The following PPFIBP2 variants were observed in gnomAD, a reference collection of about 807,000 sequenced individuals.
The protein encoded by PPFIBP2 is PPFIB scaffold protein 2.
A neutral mutation model predicts 118.3 loss-of-function variants in PPFIBP2; 118 were observed. That is an observed-to-expected ratio of 1.00 (90% CI 0.86 to 1.16). The LOEUF (loss-of-function observed/expected upper bound fraction) is 1.16, where lower values mean the gene tolerates loss of function less well. PPFIBP2 is among the 50% of genes most tolerant of loss of function. PPFIBP2 has a pLI of 0.00. For synonymous variants in PPFIBP2, 414 were observed against 397.4 expected, an observed-to-expected ratio of 1.04 and a Z score of -0.50; for missense variants, 1,195 against 1,073.1, an observed-to-expected ratio of 1.11 and a Z score of -1.59.
intron 1 of PPFIBP2, among the ~76,000 whole-genome samples, chr11:7,532,181 T>C (rs190177583): frequency 1.3e-5 from 2 of 152,338 alleles, no homozygotes; most frequent in Admixed American, 1.3e-4. Context: ...CCCTTTGTCT[T>C]CACATGGTCT....
At chr11:7,517,362 G>T (rs867714300) in intron 1 of PPFIBP2, among the ~76,000 whole-genome samples, 2 of 152,114 alleles carry the variant, frequency 1.3e-5, no homozygotes, top group Non-Finnish European at 2.9e-5. Flanking sequence ...GCAACTGAGG[G>T]TGTGGAAATA....
At chr11:7,528,857 G>C (rs1850441172) in intron 1 of PPFIBP2, among the ~76,000 whole-genome samples, 1 of 152,148 alleles carries the variant, frequency 6.6e-6, no homozygotes, top group South Asian at 2.1e-4. Context: ...AGTACAGTCA[G>C]CCAGTCTTTG....
intron 3 of PPFIBP2, among the ~76,000 whole-genome samples, chr11:7,575,647 G>T (rs1360753235): frequency 6.6e-6 from 1 of 152,206 alleles, no homozygotes; most frequent in African/African-American, 2.4e-5. Flanking sequence ...TCTTAACCCA[G>T]GGCATGAAGT....
intron 3 of PPFIBP2, among the ~76,000 whole-genome samples, chr11:7,579,002 G>A (rs1279604651): frequency 6.6e-6 from 1 of 152,002 alleles, no homozygotes; most frequent in Non-Finnish European, 1.5e-5. Context: ...CCTGGTTTGT[G>A]TGCTGGGGGA....
At chr11:7,637,516 G>A (rs1412368964) in intron 14 of PPFIBP2, among the ~76,000 whole-genome samples, 1 of 152,190 alleles carries the variant, frequency 6.6e-6, no homozygotes, top group African/African-American at 2.4e-5. Flanking sequence ...TGTCTGAGTT[G>A]GTCTGACTCA....
intron 17 of PPFIBP2, 96 bp downstream of exon 17, chr11:7,642,522 C>A: frequency 7.3e-7 from 1 of 1,375,504 alleles, no homozygotes; most frequent in South Asian, 1.5e-5. Context: ...CTGTGTTTTG[C>A]GGAAACCCCT....
chr11:7,613,363 T>C (rs1357033848), intron 6 of PPFIBP2, among the ~76,000 whole-genome samples: 3 of 152,210 alleles, frequency 2.0e-5, no homozygotes, highest in Non-Finnish European at 4.4e-5. Context: ...GTTGTGGAAA[T>C]GATTACCGAC....
chr11:7,650,806 C>G lies in PPFIBP2; in HGVS notation c.2122-34C>G, dbSNP rs200898533. 152 of 1,609,010 alleles carry G rather than the reference C, an allele frequency of 9.4e-5. No homozygotes were observed. In the African/African-American group the frequency reaches 1.7e-3, roughly 18 times the overall value. On this transcript the variant is annotated intron_variant, in intron 21 of 23. Transcript: ENST00000299492. ...GAGGACCATGGTGGGACCTATTAAG[C>G]CTAACTTCCTCACTCTCCTTCTCCC... is the stretch of plus-strand genomic sequence containing the variant.
intron 4 of PPFIBP2, among the ~76,000 whole-genome samples, chr11:7,595,529 A>G (rs934693917): frequency 3.9e-5 from 6 of 152,218 alleles, no homozygotes; most frequent in African/African-American, 1.4e-4. Context: ...CATTTAAATA[A>G]TCCTAACACA....
At chr11:7,641,404 G>A in intron 15 of PPFIBP2, 75 bp from the exon 16 acceptor site, 1 of 1,511,580 alleles carries the variant, frequency 6.6e-7, no homozygotes, top group Non-Finnish European at 9.1e-7. Flanking sequence ...TGAAGGGGAG[G>A]GCCCAGGCTT....
the PPFIBP2 span, chr11:7,665,730 CA>C: frequency 2.1e-5 from 25 of 1,205,036 alleles, no homozygotes; most frequent in Non-Finnish European, 2.7e-5. Flanking sequence ...CTGCAGCAAT[CA>C]CCCCAGGTCC....
intron 1 of PPFIBP2, among the ~76,000 whole-genome samples, chr11:7,519,423 C>T (rs756106932): frequency 6.6e-6 from 1 of 152,122 alleles, no homozygotes; most frequent in Non-Finnish European, 1.5e-5. Context: ...TTTCTTCGGT[C>T]GTTGGCAATA....
chr11:7,616,291 A>C lies in PPFIBP2; in HGVS notation c.619-4644A>C, dbSNP rs377664828. ...TAAGTTAATTTTAAGGAATCAGGAA[A>C]ATCAAATGAGTTGCTAGAAAACTGG... On this transcript the variant is annotated intron_variant, in intron 6 of 23. Coordinates refer to ENST00000299492, the MANE Select transcript of PPFIBP2 (RefSeq NM_003621.5). The surrounding 1 kb of genome is among the most constrained non-coding windows in gnomAD (Gnocchi z 5.2). Among the ~76,000 whole-genome samples the C allele has an allele frequency of 5.1e-4, 78 of 152,364 alleles. 1 individual carries two copies. The highest frequency in any genetic ancestry group is 1.8e-3 in the African/African-American group (75 of 41,594).
chr11:7,584,149 G>T (rs1488417927), intron 3 of PPFIBP2, among the ~76,000 whole-genome samples: 6 of 152,104 alleles, frequency 3.9e-5, no homozygotes, highest in African/African-American at 1.4e-4. Flanking sequence ...TTAAGGGCAG[G>T]GACTAAATCA....
In PPFIBP2 at chr11:7,642,013, C is replaced by T. The variant is rs113048342; in HGVS notation, c.1518-285C>T. ...CAAGTACTTGCTGGCCCAACTGATC[C>T]ACTTTGTGACATGAGGCAGAAACTG... On this transcript the variant is annotated intron_variant, in intron 16 of 23. Coordinates refer to ENST00000299492, the MANE Select transcript of PPFIBP2 (RefSeq NM_003621.5). 2.7e-3 allele frequency: 1,110 copies of T among 417,624 alleles called. 15 individuals carry two copies. Among genetic ancestry groups the T allele is most frequent in the African/African-American group, 0.021 (1,027 of 49,982 alleles). 25.9% of individuals were successfully genotyped at this position (417,624 alleles called of 1,614,324 possible).
intron 1 of PPFIBP2, among the ~76,000 whole-genome samples, chr11:7,529,931 G>C (rs567078019): frequency 6.6e-6 from 1 of 152,358 alleles, no homozygotes; most frequent in South Asian, 2.1e-4. Context: ...CTAGAGAGAC[G>C]CAGAAAACCT....
intron 3 of PPFIBP2, chr11:7,577,331 G>GCA (rs201728813): frequency 3.7e-6 from 1 of 269,894 alleles, no homozygotes; most frequent in African/African-American, 3.5e-5. Flanking sequence ...GTGTGTGTGT[G>GCA]TGTGTGTGTG....
chr11:7,636,144 C>T (rs1262702900), intron 14 of PPFIBP2, among the ~76,000 whole-genome samples: 1 of 152,212 alleles, frequency 6.6e-6, no homozygotes, highest in Non-Finnish European at 1.5e-5. Flanking sequence ...CCACACCCAA[C>T]CACCATTTAT....
chr11:7,540,030 A>G (rs1851617917), intron 1 of PPFIBP2, among the ~76,000 whole-genome samples: 1 of 152,118 alleles, frequency 6.6e-6, no homozygotes, highest in African/African-American at 2.4e-5. Flanking sequence ...GTCGGGGCAC[A>G]GCTCATGAAG....
Sources: allele counts gnomAD v4.1 joint callset (sites outside exome capture counted in the v4.1 genomes callset), GRCh38; gene constraint gnomAD v4.1.1; non-coding constraint Gnocchi (gnomAD v3.1); transcripts MANE v1.5; gene names NCBI Gene and HGNC (gene_info 2026-07-23, HGNC 2026-07-21).